ANKRD13D: variants seen among roughly 807,000 people sequenced by gnomAD.
ANKRD13D encodes ankyrin repeat domain-containing protein 13D.
ANKRD13D carries 24 observed loss-of-function variants against 68.8 expected under a neutral mutation model. That is an observed-to-expected ratio of 0.35 (90% confidence interval 0.25 to 0.49). The LOEUF (loss-of-function observed/expected upper bound fraction) is 0.49. Among genes scored for constraint, ANKRD13D ranks in the 20% least tolerant of loss-of-function variants. The pLI, the probability that ANKRD13D is intolerant of heterozygous loss-of-function variation, is 0.99. For missense variants in ANKRD13D, 735 were observed against 832.1 expected (o/e 0.88, Z 1.44); for synonymous variants, 331 against 336.1 (o/e 0.98, Z 0.16).
chr11:67,302,460 T>G lies in ANKRD13D; in HGVS notation c.*128T>G, dbSNP rs1245535876. On this transcript the variant is annotated 3_prime_UTR_variant, in exon 15 of 15. Transcript: ENST00000511455. ...AATGAGCAGGCAGGGGAGACTGAGA[T>G]GGAAATAAAGAGACTGTCGCAGCAG... 7.4e-7 allele frequency: 1 copy of G among 1,346,220 alleles called. No homozygotes were observed. Among genetic ancestry groups the G allele is most frequent in the African/African-American group, 1.5e-5 (1 of 67,594 alleles). 83.4% of individuals were successfully genotyped at this position (1,346,220 alleles called of 1,614,324 possible). A position where few individuals can be genotyped will look rare whatever the true frequency, so the allele number is the denominator to read the frequency against.
intron 6 of ANKRD13D, among the ~76,000 whole-genome samples, chr11:67,294,246 C>T (rs979732047): frequency 1.3e-5 from 2 of 151,980 alleles, no homozygotes; most frequent in African/African-American, 4.8e-5. Flanking sequence ...ATTCTATTTT[C>T]TTTTTTCTCA....
At position 67,301,566 on chromosome 11, in the gene ANKRD13D, A is replaced by G. The variant is rs150429952; in HGVS notation, c.1427A>G (p.Asn476Ser). ...NGYSVLGMERNEPLRDEDDDL... is the reference protein window; with the variant it reads ...NGYSVLGMERSEPLRDEDDDL... ...TACAGCGTGCTGGGCATGGAGCGCA[A>G]CGAGCCCCTCCGGGACGAGGACGAT... Residue 476 changes from asparagine (N) to serine (S), a missense_variant, in exon 13 of 15, where the codon AAC becomes AGC. Physicochemically the swap from Asn to Ser is conservative, Grantham distance 46. Transcript: ENST00000511455. This position sits in a 1 kb window ranked among gnomAD's most constrained non-coding sequence, Gnocchi z 4.5. 6 of 1,612,968 alleles carry G rather than the reference A, an allele frequency of 3.7e-6. No individual in the cohort carries two copies. The highest frequency in any genetic ancestry group is 1.7e-5 in the Admixed American group (1 of 60,026).
At position 67,300,808 on chromosome 11, in the gene ANKRD13D, G is replaced by A. The variant is rs950796630; in HGVS notation, c.1074-182G>A. 4.2e-6 allele frequency: 3 copies of A among 713,490 alleles called. No individual in the cohort carries two copies. In the Admixed American group the frequency reaches 9.0e-5, roughly 21 times the overall value. 44.2% of individuals were successfully genotyped at this position (713,490 alleles called of 1,614,324 possible). On this transcript the variant is annotated intron_variant, in intron 10 of 14. Transcript: ENST00000511455. The surrounding 1 kb of genome is among the most constrained non-coding windows in gnomAD (Gnocchi z 4.3). The stretch of plus-strand genomic sequence containing the variant: ...CAGCCTGGGCCCAGGGAGGAGGGCA[G>A]CTTGGGCCACGTGGCCAGGACACCA...
chr11:67,290,602 C>A, intron 3 of ANKRD13D, 156 bp downstream of exon 3: 2 of 1,210,218 alleles, frequency 1.7e-6, no homozygotes, highest in Non-Finnish European at 2.2e-6. Context: ...CCCAGGGTCA[C>A]GTAGGAAAGA....
In ANKRD13D at chr11:67,301,944, G is replaced by A. The variant is rs944941092; in HGVS notation, c.1604+121G>A. 5.2e-6 allele frequency: 7 copies of A among 1,336,722 alleles called. No individual in the cohort carries two copies. Among genetic ancestry groups the A allele is most frequent in the Non-Finnish European group, 6.0e-6 (6 of 994,054 alleles). 82.8% of individuals were successfully genotyped at this position (1,336,722 alleles called of 1,614,324 possible). The stretch of plus-strand genomic sequence containing the variant: ...TGCAAGGCCACCCTCTGTCAGCAGC[G>A]CTATCTGCCACCAAAGGTGGTGTGA... On this transcript the variant is annotated intron_variant, in intron 14 of 14. Coordinates refer to ENST00000511455, the MANE Select transcript of ANKRD13D (RefSeq NM_207354.3). This position sits in a 1 kb window ranked among gnomAD's most constrained non-coding sequence, Gnocchi z 4.5.
chr11:67,295,857 G>A (rs922222629), intron 6 of ANKRD13D, among the ~76,000 whole-genome samples: 1 of 152,192 alleles, frequency 6.6e-6, no homozygotes, highest in African/African-American at 2.4e-5. Flanking sequence ...TATGATATTA[G>A]TTGTGAGTTT....
chr11:67,291,879 C>T, intron 5 of ANKRD13D, 112 bp from the exon 6 acceptor site: 1 of 1,502,484 alleles, frequency 6.7e-7, no homozygotes, highest in Non-Finnish European at 8.9e-7. Context: ...ATCCAGGGGC[C>T]AAGACTGACC....
chr11:67,291,835 C>G, intron 5 of ANKRD13D, 89 bp downstream of exon 5: 2 of 1,548,216 alleles, frequency 1.3e-6, no homozygotes, highest in South Asian at 2.4e-5. Context: ...CTCCACTTTC[C>G]AGATGTGGAA....
intron 6 of ANKRD13D, among the ~76,000 whole-genome samples, chr11:67,296,261 T>A (rs1055826447): frequency 6.6e-6 from 1 of 152,150 alleles, no homozygotes; most frequent in Non-Finnish European, 1.5e-5. Context: ...CTATTTTTTT[T>A]AATAGTTTGC....
At position 67,299,959 on chromosome 11, in the gene ANKRD13D, C is replaced by G; in HGVS notation, c.943-34C>G. The G allele has an allele frequency of 6.3e-7, 1 of 1,596,108 alleles. No individual in the cohort carries two copies. The highest frequency in any genetic ancestry group is 8.6e-7 in the Non-Finnish European group (1 of 1,169,070). On this transcript the variant is annotated intron_variant, in intron 9 of 14. Coordinates refer to ENST00000511455, the MANE Select transcript of ANKRD13D (RefSeq NM_207354.3). This position sits in a 1 kb window ranked among gnomAD's most constrained non-coding sequence, Gnocchi z 6.2. ...TGGGCGGGAGGGCACCCTCTGTCAC[C>G]TTGATGGCTGAGTCCGCCCTGGGAC...
Position 67,300,282 on chromosome 11 carries a change from C to T in ANKRD13D, c.1073+159C>T, listed in dbSNP as rs756997320. 1.3e-4 allele frequency: 134 copies of T among 1,040,676 alleles called. No individual in the cohort carries two copies. The highest frequency in any genetic ancestry group is 1.7e-4 in the Non-Finnish European group (127 of 740,040). The allele number at this position is 1,040,676 out of a possible 1,614,324, so 64.5% of individuals were successfully genotyped here. A position where few individuals can be genotyped will look rare whatever the true frequency, so the allele number is the denominator to read the frequency against. ...TCATGTCTGCCTTATCCATGGTCCT[C>T]AGCCCTTAGCAAGGGGCTTGGCACA... On this transcript the variant is annotated intron_variant, in intron 10 of 14. Coordinates refer to ENST00000511455, the MANE Select transcript of ANKRD13D (RefSeq NM_207354.3). The surrounding 1 kb of genome is among the most constrained non-coding windows in gnomAD (Gnocchi z 4.3).
In ANKRD13D at chr11:67,291,726, G is replaced by A. The variant is rs556647998; in HGVS notation, c.521G>A (p.Ser174Asn). ...EHMTWQRGRR[S>N]FIFKGQEAGA... is the part of the protein sequence containing the mutation. ...ATGACCTGGCAGCGGGGCCGGAGGA[G>A]CTTCATCTTCAAGGGCCAGGGTGAG... Residue 174 changes from serine to asparagine, a missense_variant, in exon 5 of 15, where the codon AGC (serine) becomes AAC (asparagine). Physicochemically the swap from Ser to Asn is conservative, Grantham distance 46. Coordinates refer to ENST00000511455, the MANE Select transcript of ANKRD13D (RefSeq NM_207354.3). 1 of 1,613,968 alleles carries A rather than the reference G, an allele frequency of 6.2e-7. No individual in the cohort carries two copies. The highest frequency in any genetic ancestry group is 1.1e-5 in the South Asian group (1 of 91,088).
At chr11:67,292,849 A>G (rs929873565) in intron 6 of ANKRD13D, among the ~76,000 whole-genome samples, 5 of 152,108 alleles carry the variant, frequency 3.3e-5, no homozygotes, top group African/African-American at 1.2e-4. Flanking sequence ...GCAACCACTA[A>G]TCTACTTTCT....
chr11:67,291,706 C>T lies in ANKRD13D; in HGVS notation c.501C>T (p.Thr167=). ...GTCTCCTGGGCTTCGAGCACATGAC[C>T]TGGCAGCGGGGCCGGAGGAGCTTCA... ...DTSLLGFEHM[T]WQRGRRSFIF... is the part of the protein sequence containing the mutation. The change falls in exon 5 of 15, where the codon ACC becomes ACT. Residue 167 remains threonine, a synonymous_variant. Coordinates refer to ENST00000511455, the MANE Select transcript of ANKRD13D (RefSeq NM_207354.3). The T allele has an allele frequency of 6.2e-7, 1 of 1,614,118 alleles. No homozygotes were observed. The highest frequency in any genetic ancestry group is 8.5e-7 in the Non-Finnish European group (1 of 1,180,038).
chr11:67,290,247 T>TGGCAGGCGGGGGGCAGTG (rs1268740729), intron 2 of ANKRD13D, 34 bp downstream of exon 2: 1 of 1,544,346 alleles, frequency 6.5e-7, no homozygotes. Context: ...CCCCTGAGGC[T>TGGCAGGCGGGGGGCAGTG]GGCAGGCGGG....
chr11:67,291,276 G>A, intron 3 of ANKRD13D, 200 bp from the exon 4 acceptor site: 1 of 587,770 alleles, frequency 1.7e-6, no homozygotes, highest in Non-Finnish European at 2.9e-6. Context: ...AGAATCACCT[G>A]AGCCCAGGGA....
chr11:67,291,275 T>G (rs1055810235), intron 3 of ANKRD13D: 2 of 583,396 alleles, frequency 3.4e-6, no homozygotes, highest in African/African-American at 3.9e-5. Flanking sequence ...AAGAATCACC[T>G]GAGCCCAGGG....
chr11:67,290,292 G>A, intron 2 of ANKRD13D, 30 bp from the exon 3 acceptor site: 1 of 1,547,522 alleles, frequency 6.5e-7, no homozygotes, highest in Non-Finnish European at 8.7e-7. Flanking sequence ...GTCATCTGGA[G>A]GGCTCCCCTC....
chr11:67,289,621 GCCCCCCCCCCCC>G lies in ANKRD13D; in HGVS notation c.90+76_90+87del, dbSNP rs368498130. The stretch of plus-strand genomic sequence containing the variant: ...CCAAGGCTGTGGCCTCCGTCCTGGA[GCCCCCCCCCCCC>G]CCCCGCCCGCTCAGCTCCGCAGCCA... On this transcript the variant is annotated intron_variant, in intron 1 of 14. Coordinates refer to ENST00000511455, the MANE Select transcript of ANKRD13D (RefSeq NM_207354.3). 1.4e-5 allele frequency: 11 copies of G among 808,132 alleles called. 1 individual carries two copies. The African/African-American group carries it at 4.3e-4, about 32-fold the overall frequency. 50.1% of individuals were successfully genotyped at this position (808,132 alleles called of 1,614,324 possible).
Sources: gnomAD v4.1 joint callset for allele counts (sites outside exome capture counted in the v4.1 genomes callset) on GRCh38, gnomAD v4.1.1 for gene constraint, Gnocchi (gnomAD v3.1) non-coding constraint, MANE v1.5 for transcripts, NCBI Gene and HGNC (gene_info 2026-07-23, HGNC 2026-07-21) for gene names.